CCR7: variants seen among roughly 807,000 people sequenced by gnomAD.
CCR7 encodes C-C motif chemokine receptor 7.
In CCR7, 11 loss-of-function variants were observed where a neutral mutation model predicts 26.0. The ratio of observed to expected loss-of-function variants is 0.42; its 90% CI spans 0.27 to 0.70. CCR7 has a LOEUF of 0.70. CCR7 is among the 30% of genes least tolerant of loss of function. CCR7 has a pLI of 0.23. For synonymous variants in CCR7, 189 were observed against 202.1 expected (o/e 0.94, Z 0.55); for missense variants, 360 against 504.0 (o/e 0.71, Z 2.74).
intron 1 of CCR7, among the ~76,000 whole-genome samples, chr17:40,563,480 C>T (rs2036674471): frequency 6.6e-6 from 1 of 152,066 alleles, no homozygotes; most frequent in Non-Finnish European, 1.5e-5. Flanking sequence ...CTCATTCAAA[C>T]CGTGAAAAAG....
Position 40,554,489 on chromosome 17 carries a change from G to T in CCR7, c.*253C>A. On this transcript the variant is annotated 3_prime_UTR_variant, in exon 3 of 3. Transcript: ENST00000246657. ...TTTCACTTTCAGTTTTTGGTTTAGG[G>T]GACAATAGCCTCTGTTTCCCAGTGT... 1 of 507,768 alleles carries T rather than the reference G, an allele frequency of 2.0e-6. No homozygotes were observed. The highest frequency in any genetic ancestry group is 2.8e-5 in the South Asian group (1 of 35,890). 31.5% of individuals were successfully genotyped at this position (507,768 alleles called of 1,614,324 possible).
intron 1 of CCR7, among the ~76,000 whole-genome samples, chr17:40,559,218 G>T (rs1280860154): frequency 6.6e-6 from 1 of 152,128 alleles, no homozygotes; most frequent in Non-Finnish European, 1.5e-5. Context: ...CCCTGTCTTG[G>T]CCCATCTGGG....
At chr17:40,564,477 T>C (rs1462038604) in intron 1 of CCR7, among the ~76,000 whole-genome samples, 1 of 152,202 alleles carries the variant, frequency 6.6e-6, no homozygotes, top group East Asian at 1.9e-4. Flanking sequence ...CCGTGGTGCA[T>C]TGTTTGCTGG....
At chr17:40,563,250 A>G (rs1337430765) in intron 1 of CCR7, among the ~76,000 whole-genome samples, 1 of 152,088 alleles carries the variant, frequency 6.6e-6, no homozygotes. Context: ...TTTTTCCAAC[A>G]GCGACCCCAG....
At chr17:40,556,633 C>T (rs541202658) in intron 2 of CCR7, among the ~76,000 whole-genome samples, 1 of 152,280 alleles carries the variant, frequency 6.6e-6, no homozygotes, top group African/African-American at 2.4e-5. Flanking sequence ...GCTCCAGCAC[C>T]ATTTCCTCTC....
At chr17:40,559,424 G>A (rs907151242) in intron 1 of CCR7, among the ~76,000 whole-genome samples, 4 of 152,230 alleles carry the variant, frequency 2.6e-5, no homozygotes, top group Non-Finnish European at 5.9e-5. Flanking sequence ...GCATTTTCCT[G>A]GCATCCAGGT....
intron 1 of CCR7, among the ~76,000 whole-genome samples, chr17:40,560,269 C>G (rs2036639740): frequency 6.6e-6 from 1 of 152,230 alleles, no homozygotes; most frequent in East Asian, 1.9e-4. Flanking sequence ...CAGGTCCCAG[C>G]TAGGTAGGGC....
chr17:40,554,769 G>C lies in CCR7; in HGVS notation c.1110C>G (p.Ala370=). The C allele has an allele frequency of 1.2e-5, 20 of 1,612,122 alleles. 1 individual carries two copies. Among genetic ancestry groups the C allele is most frequent in the Non-Finnish European group, 1.0e-5 (12 of 1,178,864 alleles). The change falls in exon 3 of 3, where the codon GCC becomes GCG. Residue 370 remains alanine (A), a synonymous_variant. Transcript: ENST00000246657. Reference sequence around the variant, plus strand: ...ATGGGGAGAAGGTGGTGGTGGTCTCGGCCTCCACACTCATGGAGGAGCGCC... The same window carrying C: ...ATGGGGAGAAGGTGGTGGTGGTCTCCGCCTCCACACTCATGGAGGAGCGCC... ...HIRRSSMSVE[A]ETTTTFSP
intron 1 of CCR7, among the ~76,000 whole-genome samples, chr17:40,565,186 C>A (rs1040225233): frequency 2.0e-5 from 3 of 152,046 alleles, no homozygotes; most frequent in Non-Finnish European, 2.9e-5. Flanking sequence ...AAAGGCTGAC[C>A]CCTTCTCCAG....
intron 1 of CCR7, among the ~76,000 whole-genome samples, chr17:40,564,224 G>A (rs760283537): frequency 2.6e-5 from 4 of 152,132 alleles, no homozygotes; most frequent in African/African-American, 7.2e-5. Context: ...CATTCATTCC[G>A]CAGACATTTT....
chr17:40,558,108 G>A (rs1385832155), intron 2 of CCR7, among the ~76,000 whole-genome samples: 2 of 152,368 alleles, frequency 1.3e-5, no homozygotes, highest in Non-Finnish European at 2.9e-5. Flanking sequence ...ACCTGGGGAT[G>A]AGCCGAATTC....
rs1375063437 is a variant in CCR7, at chr17:40,554,208, G to C, written c.*534C>G. 1 of 153,034 alleles carries C rather than the reference G, an allele frequency of 6.5e-6. No individual in the cohort carries two copies. The highest frequency in any genetic ancestry group is 2.4e-5 in the African/African-American group (1 of 41,464). 9.5% of individuals were successfully genotyped at this position (153,034 alleles called of 1,614,324 possible). A position where few individuals can be genotyped will look rare whatever the true frequency, so the allele number is the denominator to read the frequency against. On this transcript the variant is annotated 3_prime_UTR_variant, in exon 3 of 3. Coordinates refer to ENST00000246657, the MANE Select transcript of CCR7 (RefSeq NM_001838.4). Reference sequence around the variant, plus strand: ...CATTCCCGCTGGCTTGGAGGACAGTGAAGAAAACGATGGAGGGAGGGGTTC... The same window carrying C: ...CATTCCCGCTGGCTTGGAGGACAGTCAAGAAAACGATGGAGGGAGGGGTTC...
chr17:40,554,110 CCT>C lies in CCR7; in HGVS notation c.*630_*631del, dbSNP rs1367599542. ...GCCTGCAGGAAACACCACACTCTCC[CCT>C]GTTGAGAGCCTGGGAGGGCGACGCG... On this transcript the variant is annotated 3_prime_UTR_variant, in exon 3 of 3. Transcript: ENST00000246657. 3.9e-5 allele frequency: 6 copies of C among 152,638 alleles called. No homozygotes were observed. Among genetic ancestry groups the C allele is most frequent in the African/African-American group, 9.7e-5 (4 of 41,444 alleles). 9.5% of individuals were successfully genotyped at this position (152,638 alleles called of 1,614,324 possible). A position where few individuals can be genotyped will look rare whatever the true frequency, so the allele number is the denominator to read the frequency against.
Position 40,555,479 on chromosome 17 carries a change from C to A in CCR7, c.400G>T (p.Ala134Ser), listed in dbSNP as rs1345900866. 7 of 1,613,936 alleles carry A rather than the reference C, an allele frequency of 4.3e-6. No individual in the cohort carries two copies. Among genetic ancestry groups the A allele is most frequent in the Middle Eastern group, 1.6e-4 (1 of 6,062 alleles). ...FGVHFCKLIF[A>S]IYKMSFFSGM... ...CTGAAGAAGCTCATCTTGTAGATGGCAAAGATGAGCTTGCAAAAGTGGACA... is the reference window on the plus strand; with the variant it reads ...CTGAAGAAGCTCATCTTGTAGATGGAAAAGATGAGCTTGCAAAAGTGGACA... Residue 134 changes from alanine (A) to serine (S), a missense_variant, in exon 3 of 3, where the codon GCC (alanine) becomes TCC (serine). By Grantham distance (99) the Ala-to-Ser change is moderately conservative. Coordinates refer to ENST00000246657, the MANE Select transcript of CCR7 (RefSeq NM_001838.4). The surrounding 1 kb of genome is among the most constrained non-coding windows in gnomAD (Gnocchi z 5.6).
At position 40,555,348 on chromosome 17, in the gene CCR7, C is replaced by T. The variant is rs199787548; in HGVS notation, c.531G>A (p.Leu177=). 6.2e-7 allele frequency: 1 copy of T among 1,614,176 alleles called. No homozygotes were observed. Among genetic ancestry groups the T allele is most frequent in the East Asian group, 2.2e-5 (1 of 44,894 alleles). Residue 177 remains leucine (L), a synonymous_variant, in exon 3 of 3, where the codon CTG becomes CTA. Transcript: ENST00000246657. This position sits in a 1 kb window ranked among gnomAD's most constrained non-coding sequence, Gnocchi z 5.6. ...HRARVLLISK[L]SCVGIWILAT... ...CTAGTATCCAGATGCCCACACAGGA[C>T]AGCTTGCTGATGAGAAGGACGCGGG...
chr17:40,554,944 T>C lies in CCR7; in HGVS notation c.935A>G (p.Tyr312Cys). Residue 312 changes from tyrosine to cysteine, a missense_variant, in exon 3 of 3, where the codon TAC (tyrosine) becomes TGC (cysteine). Physicochemically the swap from Tyr to Cys is radical, Grantham distance 194. Coordinates refer to ENST00000246657, the MANE Select transcript of CCR7 (RefSeq NM_001838.4). ...KQLNIAYDVT[Y>C]SLACVRCCVN... ...GCAGCAGCGGACGCAGGCCAGGCTGTAGGTGACGTCGTAGGCGATGTTGAG... is the reference window on the plus strand; with the variant it reads ...GCAGCAGCGGACGCAGGCCAGGCTGCAGGTGACGTCGTAGGCGATGTTGAG... 1 of 1,614,176 alleles carries C rather than the reference T, an allele frequency of 6.2e-7. No individual in the cohort carries two copies. The highest frequency in any genetic ancestry group is 8.5e-7 in the Non-Finnish European group (1 of 1,180,024).
chr17:40,555,294 C>T lies in CCR7; in HGVS notation c.585G>A (p.Leu195=), dbSNP rs2036571337. The T allele has an allele frequency of 6.2e-7, 1 of 1,614,050 alleles. No homozygotes were observed. Among genetic ancestry groups the T allele is most frequent in the Non-Finnish European group, 8.5e-7 (1 of 1,180,044 alleles). Residue 195 remains leucine, a synonymous_variant, in exon 3 of 3, where the codon CTG becomes CTA. Transcript: ENST00000246657. The surrounding 1 kb of genome is among the most constrained non-coding windows in gnomAD (Gnocchi z 5.6). The part of the protein sequence containing the change: ...LATVLSIPEL[L]YSDLQRSSSE... The stretch of plus-strand genomic sequence containing the variant: ...TGCTGCTCCTCTGGAGGTCACTGTA[C>T]AGGAGCTCTGGGATGGAGAGCACTG...
rs192976356 is a variant in CCR7, at chr17:40,564,623, A to G, written c.10+777T>C. ...TCAGTGCTTCCCCTTGACCCCTTCT[A>G]GGTTAGACCTGAGAAAGGGCTTTCT... On this transcript the variant is annotated intron_variant, in intron 1 of 2. Coordinates refer to ENST00000246657, the MANE Select transcript of CCR7 (RefSeq NM_001838.4). Among the ~76,000 whole-genome samples the G allele has an allele frequency of 1.2e-3, 181 of 152,228 alleles. 1 individual carries two copies. Among genetic ancestry groups the G allele is most frequent in the Admixed American group, 3.3e-3 (51 of 15,292 alleles).
At chr17:40,563,231 A>T (rs2036672755) in intron 1 of CCR7, among the ~76,000 whole-genome samples, 1 of 152,090 alleles carries the variant, frequency 6.6e-6, no homozygotes, top group African/African-American at 2.4e-5. Flanking sequence ...CGAAGCAAAG[A>T]GGAGAGATTT....
Sources: gnomAD v4.1 joint callset for allele counts (sites outside exome capture counted in the v4.1 genomes callset) on GRCh38, gnomAD v4.1.1 for gene constraint, Gnocchi (gnomAD v3.1) non-coding constraint, MANE v1.5 for transcripts, NCBI Gene and HGNC (gene_info 2026-07-23, HGNC 2026-07-21) for gene names.